The following CTNNAL1 variants were observed in gnomAD, a reference collection of about 807,000 sequenced individuals.
CTNNAL1 encodes the protein alpha-catulin.
In CTNNAL1, 69 loss-of-function variants were observed where a neutral mutation model predicts 93.6. The ratio of observed to expected loss-of-function variants is 0.74; its 90% CI spans 0.61 to 0.90. The LOEUF is 0.90. Ranked by LOEUF, CTNNAL1 falls within the 40% of genes least tolerant of loss-of-function variation. CTNNAL1 has a pLI of 0.00. For synonymous variants in CTNNAL1, 286 were observed against 305.4 expected, an observed-to-expected ratio of 0.94 and a Z score of 0.66; for missense variants, 836 against 862.0, an observed-to-expected ratio of 0.97 and a Z score of 0.38.
intron 4 of CTNNAL1, among the ~76,000 whole-genome samples, chr9:108,989,630 A>G (rs576705732): frequency 3.7e-4 from 56 of 152,298 alleles, no homozygotes; most frequent in Non-Finnish European, 6.8e-4. Flanking sequence ...TATATATTTA[A>G]CCTGCCAACA....
At chr9:108,958,062 T>C (rs112579444) in intron 11 of CTNNAL1, among the ~76,000 whole-genome samples, 4 of 43,738 alleles carry the variant, frequency 9.1e-5, no homozygotes, top group African/African-American at 4.6e-4. Flanking sequence ...CAAGACTGTC[T>C]CAAAAAAAAA....
intron 17 of CTNNAL1, among the ~76,000 whole-genome samples, chr9:108,943,499 G>C (rs1830307439): frequency 1.3e-5 from 2 of 152,088 alleles, no homozygotes; most frequent in African/African-American, 4.8e-5. Context: ...TGGAATTAAT[G>C]ATGTCCAAAA....
At chr9:108,972,868 G>GGCCCCCCCCGGGT in intron 8 of CTNNAL1, 35 bp from the exon 9 acceptor site, 1 of 1,092,790 alleles carries the variant, frequency 9.2e-7, no homozygotes, top group Non-Finnish European at 1.2e-6. Flanking sequence ...GGGTGGGAGG[G>GGCCCCCCCCGGGT]TGGAGAAGGA....
chr9:108,957,021 T>C (rs978275217), intron 11 of CTNNAL1, among the ~76,000 whole-genome samples: 11 of 151,634 alleles, frequency 7.3e-5, no homozygotes, highest in South Asian at 2.1e-4. Context: ...TACTAAAATA[T>C]TGATTATATG....
chr9:108,983,957 A>G (rs1225041884), intron 5 of CTNNAL1, among the ~76,000 whole-genome samples: 1 of 152,262 alleles, frequency 6.6e-6, no homozygotes, highest in Non-Finnish European at 1.5e-5. Context: ...GTGAATTTAC[A>G]GAATAAACTA....
At chr9:108,962,930 C>A (rs1830856470) in intron 11 of CTNNAL1, among the ~76,000 whole-genome samples, 1 of 152,160 alleles carries the variant, frequency 6.6e-6, no homozygotes, top group South Asian at 2.1e-4. Context: ...GGAACCTAGG[C>A]AGTCCACTTC....
intron 1 of CTNNAL1, among the ~76,000 whole-genome samples, chr9:109,009,693 C>T (rs1260601589): frequency 2.0e-5 from 3 of 152,198 alleles, no homozygotes; most frequent in African/African-American, 7.2e-5. Context: ...TTCATATAAA[C>T]TTCAGAATTA....
intron 15 of CTNNAL1, among the ~76,000 whole-genome samples, chr9:108,945,120 G>A (rs963149301): frequency 3.3e-5 from 5 of 152,134 alleles, no homozygotes; most frequent in Non-Finnish European, 5.9e-5. Flanking sequence ...CTGAAAGCTG[G>A]TAACTCCCAG....
At chr9:109,003,654 T>C (rs1826922103) in intron 1 of CTNNAL1, among the ~76,000 whole-genome samples, 1 of 152,204 alleles carries the variant, frequency 6.6e-6, no homozygotes, top group South Asian at 2.1e-4. Flanking sequence ...AGTTATTCTA[T>C]ACTTTCTATT....
At chr9:108,981,742 T>C (rs911560298) in intron 6 of CTNNAL1, among the ~76,000 whole-genome samples, 2 of 152,034 alleles carry the variant, frequency 1.3e-5, no homozygotes, top group African/African-American at 4.8e-5. Flanking sequence ...CTGGCCAACA[T>C]GGCAAAACCC....
At chr9:108,974,482 G>A (rs566915645) in intron 8 of CTNNAL1, among the ~76,000 whole-genome samples, 1 of 152,202 alleles carries the variant, frequency 6.6e-6, no homozygotes, top group South Asian at 2.1e-4. Context: ...AGACATATCA[G>A]TGCCAAGTAA....
intron 9 of CTNNAL1, among the ~76,000 whole-genome samples, chr9:108,971,400 G>C (rs1831113761): frequency 6.6e-6 from 1 of 152,142 alleles, no homozygotes; most frequent in African/African-American, 2.4e-5. Context: ...TTTGGTTGTT[G>C]ATATGGTTTG....
At chr9:108,969,759 C>T (rs887996766) in intron 10 of CTNNAL1, among the ~76,000 whole-genome samples, 1 of 152,136 alleles carries the variant, frequency 6.6e-6, no homozygotes, top group Non-Finnish European at 1.5e-5. Context: ...CTAAAGCTAT[C>T]CCCCTGCCTC....
At chr9:108,952,933 A>G (rs1830603925) in intron 12 of CTNNAL1, among the ~76,000 whole-genome samples, 1 of 152,236 alleles carries the variant, frequency 6.6e-6, no homozygotes, top group Non-Finnish European at 1.5e-5. Flanking sequence ...AGTTTTCTAT[A>G]CATTCCTTAT....
intron 2 of CTNNAL1, among the ~76,000 whole-genome samples, chr9:108,997,711 C>A (rs1832074864): frequency 6.6e-6 from 1 of 152,176 alleles, no homozygotes; most frequent in African/African-American, 2.4e-5. Context: ...TATCCCAAAT[C>A]TTGGAGTTAT....
At chr9:108,999,284 T>C (rs1319518570) in intron 1 of CTNNAL1, 28 bp from the exon 2 acceptor site, 9 of 1,569,104 alleles carry the variant, frequency 5.7e-6, no homozygotes, top group Non-Finnish European at 7.7e-6. Context: ...AAGCAACTTT[T>C]ATCTCAATAC....
chr9:109,001,422 A>G (rs1490645421), intron 1 of CTNNAL1, among the ~76,000 whole-genome samples: 1 of 152,136 alleles, frequency 6.6e-6, no homozygotes, highest in Non-Finnish European at 1.5e-5. Flanking sequence ...CAAGAGGGAG[A>G]GCCTCATTTC....
intron 3 of CTNNAL1, chr9:108,992,191 C>T (rs575086437): frequency 3.4e-6 from 2 of 588,904 alleles, no homozygotes; most frequent in East Asian, 2.9e-5. Flanking sequence ...AAAGCTTTTA[C>T]CAATAAGCCT....
chr9:108,970,252 C>G lies in CTNNAL1; in HGVS notation c.1440+150G>C, dbSNP rs1831071820. 4.6e-6 allele frequency: 3 copies of G among 656,576 alleles called. No individual in the cohort carries two copies. The South Asian group carries it at 1.3e-4, about 29-fold the overall frequency. The allele number at this position is 656,576 out of a possible 1,614,324, so 40.7% of individuals were successfully genotyped here. A position where few individuals can be genotyped will look rare whatever the true frequency, so the allele number is the denominator to read the frequency against. On this transcript the variant is annotated intron_variant, in intron 10 of 18. Coordinates refer to ENST00000325551, the MANE Select transcript of CTNNAL1 (RefSeq NM_003798.4). ...CAATGGAAGGTTAGCCATGTTCTGG[C>G]ACACTACCAACAGAAATTCCATTAT...
Sources: allele counts gnomAD v4.1 joint callset (sites outside exome capture counted in the v4.1 genomes callset), GRCh38; gene constraint gnomAD v4.1.1; transcripts MANE v1.5; gene names NCBI Gene and HGNC (gene_info 2026-07-23, HGNC 2026-07-21).